The following DGKB variants were observed in gnomAD, a reference collection of about 807,000 sequenced individuals.
DGKB encodes the protein diacylglycerol kinase beta.
A neutral mutation model predicts 114.3 loss-of-function variants in DGKB; 67 were observed. The ratio of observed to expected loss-of-function variants is 0.59; its 90% CI spans 0.48 to 0.72. The LOEUF is 0.72. Among genes scored for constraint, DGKB ranks in the 30% least tolerant of loss-of-function variants. DGKB has a pLI of 0.00. For synonymous variants in DGKB, 398 were observed against 323.1 expected (o/e 1.23, Z -2.49); for missense variants, 907 against 975.2 (o/e 0.93, Z 0.93).
At chr7:14,401,685 C>A (rs1258834923) in intron 21 of DGKB, among the ~76,000 whole-genome samples, 1 of 151,722 alleles carries the variant, frequency 6.6e-6, no homozygotes, top group African/African-American at 2.4e-5. Context: ...GCAATAGGCC[C>A]AGTTTTTAAA....
At chr7:14,961,792 TCTCACCC>T (rs1786858800) in intron 1 of DGKB, among the ~76,000 whole-genome samples, 1 of 152,096 alleles carries the variant, frequency 6.6e-6, no homozygotes, top group Non-Finnish European at 1.5e-5. Context: ...CCTGCTTCTT[TCTCACCC>T]CACCCACAGC....
chr7:14,595,138 T>A (rs915135820), intron 17 of DGKB, among the ~76,000 whole-genome samples: 1 of 151,992 alleles, frequency 6.6e-6, no homozygotes, highest in African/African-American at 2.4e-5. Flanking sequence ...TTAGGTAAAG[T>A]TAATTAGCTG....
At chr7:14,358,315 C>T (rs189012734) in intron 21 of DGKB, among the ~76,000 whole-genome samples, 19 of 152,212 alleles carry the variant, frequency 1.2e-4, no homozygotes, top group Admixed American at 1.2e-3. Flanking sequence ...TTTGTCTAAA[C>T]TTCCTGCTTT....
chr7:14,241,949 CACACATAT>C (rs772703097), intron 23 of DGKB, among the ~76,000 whole-genome samples: 2,873 of 78,818 alleles, frequency 0.036, 34 homozygotes, highest in Middle Eastern at 0.072. Flanking sequence ...TATATACACA[CACACATAT>C]ACACACACAC....
chr7:14,355,092 C>T (rs953976063), intron 21 of DGKB, among the ~76,000 whole-genome samples: 1 of 152,008 alleles, frequency 6.6e-6, no homozygotes, highest in East Asian at 1.9e-4. Context: ...TGCTTGTTCC[C>T]CCATCCTCTT....
intron 21 of DGKB, among the ~76,000 whole-genome samples, chr7:14,370,407 G>C (rs1419412219): frequency 6.6e-6 from 1 of 152,030 alleles, no homozygotes; most frequent in African/African-American, 2.4e-5. Flanking sequence ...TGGGCTATAG[G>C]GGCTCTTTTT....
At chr7:14,205,868 G>C (rs1786715960) in intron 23 of DGKB, among the ~76,000 whole-genome samples, 1 of 151,846 alleles carries the variant, frequency 6.6e-6, no homozygotes, top group African/African-American at 2.4e-5. Context: ...AAAATAGGGT[G>C]GCAAAATACA....
At chr7:14,151,246 C>T (rs1467983715) in intron 25 of DGKB, among the ~76,000 whole-genome samples, 2 of 151,752 alleles carry the variant, frequency 1.3e-5, no homozygotes, top group Non-Finnish European at 2.9e-5. Flanking sequence ...AGCATTAGGG[C>T]ATTTTGGGAA....
intron 13 of DGKB, among the ~76,000 whole-genome samples, chr7:14,668,224 C>T (rs183461793): frequency 6.6e-6 from 1 of 152,140 alleles, no homozygotes; most frequent in East Asian, 1.9e-4. Context: ...GGCTGGTATA[C>T]AAGACAGTCA....
At chr7:14,392,989 G>GTTTTTTTTTTTTTTTT (rs776845811) in intron 21 of DGKB, among the ~76,000 whole-genome samples, 17 of 10,168 alleles carry the variant, frequency 1.7e-3, no homozygotes, top group African/African-American at 2.1e-3. Flanking sequence ...CCTGTTTTTT[G>GTTTTTTTTTTTTTTTT]TTTTTGTTTT....
intron 13 of DGKB, among the ~76,000 whole-genome samples, chr7:14,672,655 G>A (rs1000324011): frequency 3.9e-5 from 6 of 151,982 alleles, no homozygotes; most frequent in African/African-American, 1.4e-4. Context: ...GAAGTCTTCT[G>A]CCTTTACAAT....
At chr7:14,874,187 C>T (rs752353683) in intron 1 of DGKB, among the ~76,000 whole-genome samples, 7 of 152,030 alleles carry the variant, frequency 4.6e-5, no homozygotes, top group African/African-American at 4.8e-5. Flanking sequence ...TTTTAAAATA[C>T]GTACAAATTC....
rs543834208 is a variant in DGKB, at chr7:14,291,791, G to A, written c.2122+46724C>T. 1.6e-4 allele frequency among the ~76,000 whole-genome samples: 24 copies of A among 152,234 alleles called. 1 individual carries two copies. In the South Asian group the frequency reaches 4.6e-3, roughly 29 times the overall value. ...AAAGCAGAAAATACCACCATTATGA[G>A]TGAGATATCATGAACCCTATGCGGC... is the stretch of plus-strand genomic sequence containing the variant. On this transcript the variant is annotated intron_variant, in intron 23 of 25. Transcript: ENST00000402815.
At chr7:14,666,017 G>C (rs768935100) in intron 13 of DGKB, among the ~76,000 whole-genome samples, 3 of 151,826 alleles carry the variant, frequency 2.0e-5, no homozygotes, top group Non-Finnish European at 2.9e-5. Context: ...TTTATGAATA[G>C]AATAGTGATA....
intron 1 of DGKB, among the ~76,000 whole-genome samples, chr7:14,957,376 T>C (rs1249229964): frequency 1.3e-5 from 2 of 152,146 alleles, no homozygotes; most frequent in East Asian, 1.9e-4. Flanking sequence ...AATAATGTGA[T>C]CTAGCATTGG....
intron 23 of DGKB, among the ~76,000 whole-genome samples, chr7:14,310,860 C>T (rs2357897): frequency 0.87 from 132,671 of 152,200 alleles, 58,162 homozygotes; most frequent in African/African-American, 0.97. Context: ...AGGCCAGGTA[C>T]GGTGGCTGAC....
intron 2 of DGKB, among the ~76,000 whole-genome samples, chr7:14,804,986 T>C (rs898570839): frequency 2.6e-5 from 4 of 152,100 alleles, no homozygotes; most frequent in African/African-American, 7.2e-5. Context: ...TTAGAGCTGA[T>C]TTTTATTGTC....
At chr7:14,671,386 T>C (rs1214197643) in intron 13 of DGKB, among the ~76,000 whole-genome samples, 1 of 152,122 alleles carries the variant, frequency 6.6e-6, no homozygotes, top group Admixed American at 6.6e-5. Flanking sequence ...ACAAAAATGG[T>C]AAACAACAAA....
intron 21 of DGKB, among the ~76,000 whole-genome samples, chr7:14,407,461 C>G (rs770587419): frequency 6.6e-6 from 1 of 151,930 alleles, no homozygotes; most frequent in African/African-American, 2.4e-5. Flanking sequence ...GGATTTCAGT[C>G]TTTTCTATGT....
Sources: allele counts gnomAD v4.1 joint callset (sites outside exome capture counted in the v4.1 genomes callset), GRCh38; gene constraint gnomAD v4.1.1; transcripts MANE v1.5; gene names NCBI Gene and HGNC (gene_info 2026-07-23, HGNC 2026-07-21).